Variants in MAP4 observed in about 807,000 individuals in gnomAD.
The protein encoded by MAP4 is microtubule associated protein 4, also known as microtubule-associated protein 4.
In MAP4, 76 loss-of-function variants were observed where a neutral mutation model predicts 170.2. That is an observed-to-expected ratio of 0.45 (90% CI 0.37 to 0.54). MAP4 has a LOEUF of 0.54. MAP4 is among the 20% of genes least tolerant of loss of function. The pLI is 0.00. For missense variants in MAP4, 2,506 were observed against 2,748.0 expected, an observed-to-expected ratio of 0.91 and a Z score of 1.97; for synonymous variants, 909 against 994.5, an observed-to-expected ratio of 0.91 and a Z score of 1.62.
intron 3 of MAP4, among the ~76,000 whole-genome samples, chr3:47,933,939 G>A (rs1450258691): frequency 6.6e-6 from 1 of 152,100 alleles, no homozygotes; most frequent in Non-Finnish European, 1.5e-5. Context: ...AACACAAGTA[G>A]GTTCCCCAGA....
chr3:47,998,938 T>A, intron 1 of MAP4, 59 bp from the exon 2 acceptor site: 1 of 937,780 alleles, frequency 1.1e-6, no homozygotes, highest in Middle Eastern at 2.2e-4. Flanking sequence ...AAAACATTTC[T>A]AGAAACTCTT....
intron 1 of MAP4, among the ~76,000 whole-genome samples, chr3:48,031,568 C>CA (rs2100116117): frequency 6.6e-6 from 1 of 151,204 alleles, no homozygotes; most frequent in African/African-American, 2.4e-5. Flanking sequence ...AACAAAAAAA[C>CA]AAAAAAATTA....
chr3:48,054,642 A>C (rs1473648743), intron 1 of MAP4, among the ~76,000 whole-genome samples: 1 of 148,952 alleles, frequency 6.7e-6, no homozygotes, highest in Non-Finnish European at 1.5e-5. Context: ...AAAAAAAAAA[A>C]AAAAAAAAAA....
At chr3:47,876,640 T>C (rs1373820046) in intron 11 of MAP4, among the ~76,000 whole-genome samples, 2 of 152,184 alleles carry the variant, frequency 1.3e-5, no homozygotes, top group Non-Finnish European at 2.9e-5. Context: ...ATGCTGAAAC[T>C]ACCTGTATCT....
chr3:47,919,955 TTTC>T (rs1385779383), intron 5 of MAP4, among the ~76,000 whole-genome samples: 3 of 151,928 alleles, frequency 2.0e-5, no homozygotes, highest in African/African-American at 7.3e-5. Context: ...CCCAGCTAAT[TTTC>T]TTATTTTTAT....
At chr3:48,060,369 C>G (rs1479557869) in intron 1 of MAP4, among the ~76,000 whole-genome samples, 1 of 151,794 alleles carries the variant, frequency 6.6e-6, no homozygotes, top group African/African-American at 2.4e-5. Flanking sequence ...GGATTATAGA[C>G]CTAAATGTAA....
At chr3:48,028,296 G>C (rs186743207) in intron 1 of MAP4, among the ~76,000 whole-genome samples, 1 of 152,016 alleles carries the variant, frequency 6.6e-6, no homozygotes, top group Non-Finnish European at 1.5e-5. Flanking sequence ...CATCTCTGGG[G>C]GGGGAGGGAA....
chr3:47,915,133 G>A (rs2100038060), intron 7 of MAP4, among the ~76,000 whole-genome samples, 194 bp from the exon 8 acceptor site: 1 of 149,164 alleles, frequency 6.7e-6, no homozygotes, highest in South Asian at 2.1e-4. Flanking sequence ...TTTTTTTTGA[G>A]ATGGAGTTTT....
chr3:47,947,670 G>T (rs891126520), intron 3 of MAP4, among the ~76,000 whole-genome samples: 1 of 151,710 alleles, frequency 6.6e-6, no homozygotes, highest in Non-Finnish European at 1.5e-5. Flanking sequence ...AGTTAGCCAG[G>T]CGTGGTGGTG....
chr3:47,927,915 A>C (rs558950021), intron 4 of MAP4, among the ~76,000 whole-genome samples: 46 of 152,262 alleles, frequency 3.0e-4, no homozygotes, highest in Non-Finnish European at 6.5e-4. Flanking sequence ...ACAGAACAGC[A>C]CTGGTTTAAC....
intron 1 of MAP4, among the ~76,000 whole-genome samples, chr3:48,064,754 A>T (rs2100137567): frequency 6.6e-6 from 1 of 152,192 alleles, no homozygotes; most frequent in Non-Finnish European, 1.5e-5. Flanking sequence ...CCTGCTACAC[A>T]TCTAGGCTAT....
At chr3:47,961,805 A>T (rs1312686761) in intron 3 of MAP4, among the ~76,000 whole-genome samples, 2 of 152,152 alleles carry the variant, frequency 1.3e-5, no homozygotes, top group African/African-American at 4.8e-5. Context: ...TCTCATGGAC[A>T]TCTTCCCAGG....
chr3:48,054,622 T>G (rs1419259558), intron 1 of MAP4, among the ~76,000 whole-genome samples: 8 of 78,738 alleles, frequency 1.0e-4, no homozygotes, highest in African/African-American at 3.9e-4. Flanking sequence ...AGTGTAAGAC[T>G]CCATCTCAAA....
Position 47,912,306 on chromosome 3 carries a change from G to A in MAP4, c.2115C>T (p.Gly705=). The change falls in exon 9 of 21, where the codon GGC becomes GGT. Residue 705 remains glycine (G), a synonymous_variant. Coordinates refer to ENST00000683076, the MANE Select transcript of MAP4 (RefSeq NM_001385682.1). ...GATCAAGAGTCTTCCATGGAGGAGA[G>A]CCTCCCAGCAGCTCAGGAGGGACCC... ...PARVPPELLG[G]SPPWKTLDHR... The A allele has an allele frequency of 6.5e-7, 1 of 1,536,142 alleles. No individual in the cohort carries two copies. The highest frequency in any genetic ancestry group is 8.7e-7 in the Non-Finnish European group (1 of 1,146,920).
At chr3:47,853,131 G>A in intron 20 of MAP4, 32 bp downstream of exon 20, 3 of 1,612,156 alleles carry the variant, frequency 1.9e-6, no homozygotes, top group Non-Finnish European at 2.5e-6. Flanking sequence ...CAGGGCCCCT[G>A]GCTGGCCCTT....
rs892388031 is a variant in MAP4 at position 47,930,238 on chromosome 3, G to A, written c.293-1888C>T. Among the ~76,000 whole-genome samples, 5 of 150,720 alleles carry A rather than the reference G, an allele frequency of 3.3e-5. No homozygotes were observed. In the South Asian group the frequency reaches 6.4e-4, roughly 19 times the overall value. ...AGGCGGGTGGATCATGAGGTCAGGA[G>A]ATCGAGACCATCCTGGCTAACAAGG... On this transcript the variant is annotated intron_variant, in intron 3 of 20. Coordinates refer to ENST00000683076, the MANE Select transcript of MAP4 (RefSeq NM_001385682.1).
chr3:47,877,410 C>T lies in MAP4; in HGVS notation c.5541+7G>A. The stretch of plus-strand genomic sequence containing the variant: ...CAGTAGAAGATAACCACCATTCTGG[C>T]ACCTACCTTTGTTTTCTTCTCTGGG... On this transcript the variant is annotated splice_region_variant and intron_variant, in intron 11 of 20. Coordinates refer to ENST00000683076, the MANE Select transcript of MAP4 (RefSeq NM_001385682.1). 2 of 1,608,300 alleles carry T rather than the reference C, an allele frequency of 1.2e-6. No homozygotes were observed. Among genetic ancestry groups the T allele is most frequent in the Non-Finnish European group, 1.7e-6 (2 of 1,174,782 alleles).
intron 1 of MAP4, among the ~76,000 whole-genome samples, chr3:48,046,048 T>G (rs990314989): frequency 6.6e-6 from 1 of 150,570 alleles, no homozygotes; most frequent in African/African-American, 2.4e-5. Context: ...TCACCTTCAC[T>G]AAGTTATTTC....
At chr3:47,951,004 T>C (rs971747867) in intron 3 of MAP4, among the ~76,000 whole-genome samples, 3 of 152,216 alleles carry the variant, frequency 2.0e-5, no homozygotes, top group Admixed American at 6.5e-5. Flanking sequence ...TCAACAAATA[T>C]ATAAGACTAG....
Sources: allele counts gnomAD v4.1 joint callset (sites outside exome capture counted in the v4.1 genomes callset), GRCh38; gene constraint gnomAD v4.1.1; transcripts MANE v1.5; gene names NCBI Gene and HGNC (gene_info 2026-07-23, HGNC 2026-07-21).